UTRN: variants seen among roughly 807,000 people sequenced by gnomAD.
The protein encoded by UTRN is utrophin.
Under a neutral mutation model 463.9 loss-of-function variants are expected in UTRN, and 283 were observed. The observed-to-expected ratio is 0.61, with a 90% CI of 0.55 to 0.67. UTRN has a LOEUF of 0.67. Ranked by LOEUF, UTRN falls within the 30% of genes least tolerant of loss-of-function variation. UTRN has a pLI of 0.00. For synonymous variants in UTRN, 1,442 were observed against 1,431.5 expected, an observed-to-expected ratio of 1.01 and a Z score of -0.17; for missense variants, 3,922 against 4,084.3, an observed-to-expected ratio of 0.96 and a Z score of 1.08.
intron 3 of UTRN, among the ~76,000 whole-genome samples, chr6:144,404,627 T>G (rs1047665967): frequency 1.3e-5 from 2 of 152,230 alleles, no homozygotes; most frequent in Non-Finnish European, 1.5e-5. Context: ...AGAATTGCCT[T>G]AGAACTAATT....
chr6:144,744,434 T>C lies in UTRN; in HGVS notation c.7940-3812T>C, dbSNP rs923727415. Among the ~76,000 whole-genome samples, 4 of 147,202 alleles carry C rather than the reference T, an allele frequency of 2.7e-5. 1 individual carries two copies. The Admixed American group carries it at 2.7e-4, about 10-fold the overall frequency. On this transcript the variant is annotated intron_variant, in intron 54 of 74. Coordinates refer to ENST00000367545, the MANE Select transcript of UTRN (RefSeq NM_007124.3). ...TTACTTATGTATAATATATACATAA[T>C]TTTACTTATGTATAATATATACATA... is the stretch of plus-strand genomic sequence containing the variant.
intron 54 of UTRN, among the ~76,000 whole-genome samples, chr6:144,747,462 A>G (rs1790886759): frequency 6.6e-6 from 1 of 152,006 alleles, no homozygotes. Context: ...CATCTCTTAT[A>G]TTTCTGACCC....
At position 144,533,100 on chromosome 6, in the gene UTRN, A is replaced by G. The variant is rs149019901; in HGVS notation, c.6073A>G (p.Ile2025Val). The change falls in exon 43 of 75, where the codon ATC becomes GTC. Residue 2025 changes from isoleucine to valine, a missense_variant. Coordinates refer to ENST00000367545, the MANE Select transcript of UTRN (RefSeq NM_007124.3). Reference sequence around the variant, plus strand: ...TCTGTTACAGGAACTTGAGGTGGGCATCAGCAGCCACCAGCCCAGTTTTGC... The same window carrying G: ...TCTGTTACAGGAACTTGAGGTGGGCGTCAGCAGCCACCAGCCCAGTTTTGC... ...RIHQQELEVGISSHQPSFAAL... is the reference protein window; with the variant it reads ...RIHQQELEVGVSSHQPSFAAL... The G allele has an allele frequency of 6.2e-7, 1 of 1,603,588 alleles. No homozygotes were observed.
chr6:144,747,280 G>A (rs1790863600), intron 54 of UTRN, among the ~76,000 whole-genome samples: 1 of 152,160 alleles, frequency 6.6e-6, no homozygotes, highest in Non-Finnish European at 1.5e-5. Context: ...TATTTGCAGT[G>A]GACAGTTGGA....
intron 58 of UTRN, among the ~76,000 whole-genome samples, chr6:144,765,576 G>A (rs1284174673): frequency 2.0e-5 from 3 of 152,066 alleles, no homozygotes; most frequent in African/African-American, 7.2e-5. Context: ...ACCATGCCCA[G>A]CTAATTGGAC....
chr6:144,841,799 GT>G (rs1781596786), intron 73 of UTRN, among the ~76,000 whole-genome samples: 1 of 151,962 alleles, frequency 6.6e-6, no homozygotes, highest in African/African-American at 2.4e-5. Context: ...TTTTACCCTT[GT>G]CTGTCATCTC....
chr6:144,702,111 G>T (rs1382947793), intron 53 of UTRN, among the ~76,000 whole-genome samples: 1 of 152,178 alleles, frequency 6.6e-6, no homozygotes, highest in Admixed American at 6.5e-5. Flanking sequence ...TAATAGATGT[G>T]CTCTGTAAGG....
At chr6:144,420,056 G>T (rs1784700475) in intron 3 of UTRN, among the ~76,000 whole-genome samples, 1 of 151,920 alleles carries the variant, frequency 6.6e-6, no homozygotes, top group African/African-American at 2.4e-5. Flanking sequence ...CAAATTTTAG[G>T]AAACTTCAGA....
At chr6:144,513,337 G>C (rs1281372270) in intron 35 of UTRN, among the ~76,000 whole-genome samples, 1 of 152,222 alleles carries the variant, frequency 6.6e-6, no homozygotes, top group Non-Finnish European at 1.5e-5. Flanking sequence ...TGGATCACAA[G>C]GTCAAGAGAT....
intron 54 of UTRN, 75 bp downstream of exon 54, chr6:144,730,561 T>A: frequency 2.8e-6 from 4 of 1,432,062 alleles, no homozygotes; most frequent in Non-Finnish European, 3.7e-6. Flanking sequence ...AGTAGGAAAT[T>A]TCCTTACAGC....
intron 57 of UTRN, 50 bp downstream of exon 57, chr6:144,754,848 T>TAA: frequency 6.5e-7 from 1 of 1,543,372 alleles, no homozygotes; most frequent in Non-Finnish European, 8.9e-7. Flanking sequence ...GAATTAGCAT[T>TAA]TTCTTTCACT....
At position 144,571,411 on chromosome 6, in the gene UTRN, C is replaced by T. The variant is rs569037250; in HGVS notation, c.7290-5688C>T. Among the ~76,000 whole-genome samples the T allele has an allele frequency of 2.1e-3, 326 of 152,290 alleles. 1 individual carries two copies. The highest frequency in any genetic ancestry group is 7.4e-3 in the African/African-American group (307 of 41,570). On this transcript the variant is annotated intron_variant, in intron 50 of 74. Transcript: ENST00000367545. ...GTTTATAACAGAATATAGTTCTTTT[C>T]CCTCGACTCACTGCAGTCCCCTTCC...
Position 144,291,904 on chromosome 6 carries a change from T to G in UTRN, c.76T>G (p.Ser26Ala). 1 of 1,609,386 alleles carries G rather than the reference T, an allele frequency of 6.2e-7. No individual in the cohort carries two copies. The change falls in exon 2 of 75, where the codon TCT becomes GCT. Residue 26 changes from serine to alanine, a missense_variant. Transcript: ENST00000367545. Reference protein sequence around the residue: ...NEFSDIIKSRSDEHNDVQKKT... With the variant: ...NEFSDIIKSRADEHNDVQKKT... ...ATTCAGTGATATCATTAAGTCCAGA[T>G]CTGGTAGGTAAAGGAAGCTCAAGAA...
intron 2 of UTRN, among the ~76,000 whole-genome samples, chr6:144,336,293 C>G (rs539810414): frequency 6.6e-6 from 1 of 152,246 alleles, no homozygotes; most frequent in Admixed American, 6.5e-5. Flanking sequence ...CACGGGCAAG[C>G]TGAATGACAG....
intron 48 of UTRN, among the ~76,000 whole-genome samples, chr6:144,552,222 A>T (rs1311797687): frequency 6.6e-6 from 1 of 152,264 alleles, no homozygotes; most frequent in East Asian, 1.9e-4. Context: ...ATTTCAAAAT[A>T]GTCATGGTAG....
chr6:144,658,484 T>C (rs1562719732), intron 51 of UTRN, among the ~76,000 whole-genome samples: 1 of 152,220 alleles, frequency 6.6e-6, no homozygotes, highest in Non-Finnish European at 1.5e-5. Flanking sequence ...GCTAACGGTA[T>C]TGATATTTAA....
intron 52 of UTRN, among the ~76,000 whole-genome samples, chr6:144,696,215 T>C (rs1192482728): frequency 6.6e-6 from 1 of 151,994 alleles, no homozygotes; most frequent in East Asian, 1.9e-4. Flanking sequence ...TTTTTTTTTT[T>C]CCAAATCTAA....
chr6:144,527,013 T>C (rs530208773), intron 41 of UTRN, among the ~76,000 whole-genome samples: 1 of 152,236 alleles, frequency 6.6e-6, no homozygotes, highest in Non-Finnish European at 1.5e-5. Flanking sequence ...TTAGCCAGGC[T>C]GACCTCAAAC....
intron 72 of UTRN, 149 bp downstream of exon 72, chr6:144,839,433 A>G (rs1781373255): frequency 1.9e-6 from 1 of 539,736 alleles, no homozygotes. Flanking sequence ...GTGCAAATCC[A>G]TTTCAACAAT....
Sources: allele counts gnomAD v4.1 joint callset (sites outside exome capture counted in the v4.1 genomes callset), GRCh38; gene constraint gnomAD v4.1.1; transcripts MANE v1.5; gene names NCBI Gene and HGNC (gene_info 2026-07-23, HGNC 2026-07-21).